The following MYO18B variants were observed in gnomAD, a reference collection of about 807,000 sequenced individuals.
MYO18B encodes unconventional myosin-XVIIIb.
Under a neutral mutation model 273.0 loss-of-function variants are expected in MYO18B, and 204 were observed. The observed-to-expected ratio is 0.75, with a 90% CI of 0.67 to 0.84. MYO18B has a LOEUF of 0.84. Ranked by LOEUF, MYO18B falls within the 40% of genes least tolerant of loss-of-function variation. The pLI, the probability that MYO18B is intolerant of heterozygous loss-of-function variation, is 0.00. For missense variants in MYO18B, 3,212 were observed against 3,287.6 expected, an observed-to-expected ratio of 0.98 and a Z score of 0.56; for synonymous variants, 1,330 against 1,305.7, an observed-to-expected ratio of 1.02 and a Z score of -0.40.
chr22:25,782,977 C>T (rs542422421), intron 10 of MYO18B, among the ~76,000 whole-genome samples: 6 of 152,324 alleles, frequency 3.9e-5, no homozygotes, highest in African/African-American at 1.4e-4. Context: ...GGCTGTGTGA[C>T]CTTGAGCTAA....
intron 12 of MYO18B, among the ~76,000 whole-genome samples, chr22:25,815,283 A>G (rs969425680): frequency 6.6e-6 from 1 of 152,198 alleles, no homozygotes; most frequent in African/African-American, 2.4e-5. Flanking sequence ...CCTGGACTCT[A>G]CCTTGCTAGC....
chr22:25,772,427 A>G lies in MYO18B; in HGVS notation c.1786A>G (p.Lys596Glu), dbSNP rs2086755856. ...SVLNTLLQRY[K>E]AQLLHTCTGP... The stretch of plus-strand genomic sequence containing the variant: ...CCTGAACACGCTTCTGCAGCGCTAC[A>G]AAGCTCAGCTGCTGCACACCTGCAC... The change falls in exon 7 of 44, where the codon AAA becomes GAA. Residue 596 changes from lysine to glutamate, a missense_variant. Coordinates refer to ENST00000335473, the MANE Select transcript of MYO18B (RefSeq NM_032608.7). 1 of 1,613,900 alleles carries G rather than the reference A, an allele frequency of 6.2e-7. No individual in the cohort carries two copies. Among genetic ancestry groups the G allele is most frequent in the Non-Finnish European group, 8.5e-7 (1 of 1,179,904 alleles).
At chr22:25,759,984 A>G (rs1421978640) in intron 1 of MYO18B, among the ~76,000 whole-genome samples, 1 of 152,182 alleles carries the variant, frequency 6.6e-6, no homozygotes, top group Non-Finnish European at 1.5e-5. Flanking sequence ...AAGGCTCTCA[A>G]TATGATGACA....
At chr22:25,804,316 C>A (rs1353737242) in intron 12 of MYO18B, among the ~76,000 whole-genome samples, 1 of 152,200 alleles carries the variant, frequency 6.6e-6, no homozygotes, top group African/African-American at 2.4e-5. Context: ...AAGGCAGCCA[C>A]AAAGATCTCC....
intron 1 of MYO18B, among the ~76,000 whole-genome samples, chr22:25,744,369 AAAC>A (rs1271328106): frequency 6.6e-6 from 1 of 152,196 alleles, no homozygotes; most frequent in Non-Finnish European, 1.5e-5. Flanking sequence ...TGCTAGATAC[AAAC>A]AACTGTCTGA....
chr22:25,925,049 G>A (rs1336055934), intron 34 of MYO18B, among the ~76,000 whole-genome samples: 1 of 152,198 alleles, frequency 6.6e-6, no homozygotes, highest in Non-Finnish European at 1.5e-5. Context: ...AGGGCACACA[G>A]CAATACATGT....
chr22:25,777,879 T>A (rs1274880320), intron 8 of MYO18B, 98 bp downstream of exon 8: 33 of 1,226,012 alleles, frequency 2.7e-5, no homozygotes, highest in Non-Finnish European at 3.5e-5. Flanking sequence ...CAGCTAGCAT[T>A]CACTGAGCAC....
chr22:25,958,248 A>T (rs1256316922), intron 39 of MYO18B, among the ~76,000 whole-genome samples: 1 of 152,058 alleles, frequency 6.6e-6, no homozygotes, highest in Non-Finnish European at 1.5e-5. Flanking sequence ...GATCACATTC[A>T]CAAGTCCCAG....
In MYO18B at chr22:26,026,737, G is replaced by T; in HGVS notation, c.6763G>T (p.Glu2255Ter). 6.2e-7 allele frequency: 1 copy of T among 1,613,338 alleles called. No individual in the cohort carries two copies. Among genetic ancestry groups the T allele is most frequent in the South Asian group, 1.1e-5 (1 of 90,950 alleles). ...SPSAALSEFV[E>*]GLRRKRAQRG... ...TTCAGCGGCCCTCTCGGAGTTCGTGGAAGGGCTCCGGAGGAAGAGAGCCCA... is the reference window on the plus strand; with the variant it reads ...TTCAGCGGCCCTCTCGGAGTTCGTGTAAGGGCTCCGGAGGAAGAGAGCCCA... The change falls in exon 43 of 44, where the codon GAA becomes TAA. Residue 2255 changes from glutamate to a stop codon, truncating the protein, a stop_gained. Coordinates refer to ENST00000335473, the MANE Select transcript of MYO18B (RefSeq NM_032608.7). LOFTEE classifies it high-confidence loss of function.
chr22:25,946,674 T>A (rs908543741), intron 35 of MYO18B, among the ~76,000 whole-genome samples: 12 of 152,192 alleles, frequency 7.9e-5, no homozygotes, highest in Non-Finnish European at 1.3e-4. Context: ...CAACTGTATG[T>A]TGTGTGCCCA....
At chr22:25,934,649 C>T (rs1459684663) in intron 34 of MYO18B, among the ~76,000 whole-genome samples, 1 of 152,108 alleles carries the variant, frequency 6.6e-6, no homozygotes, top group African/African-American at 2.4e-5. Context: ...TGGTTTTGTC[C>T]AGAAAGGCAG....
At chr22:25,926,801 C>T (rs1273707425) in intron 34 of MYO18B, among the ~76,000 whole-genome samples, 7 of 152,180 alleles carry the variant, frequency 4.6e-5, no homozygotes, top group Non-Finnish European at 1.5e-5. Context: ...GAGTGATAAA[C>T]TCTTTTGTTG....
intron 34 of MYO18B, among the ~76,000 whole-genome samples, chr22:25,942,864 A>ATC (rs2092660584): frequency 6.6e-6 from 1 of 152,030 alleles, no homozygotes; most frequent in Non-Finnish European, 1.5e-5. Flanking sequence ...GTCTGTGTTC[A>ATC]TCTCTCTCTG....
rs146967276 is a variant in MYO18B, at chr22:25,800,184, G to A, written c.2521+2087G>A. Among the ~76,000 whole-genome samples, 421 of 152,268 alleles carry A rather than the reference G, an allele frequency of 2.8e-3. 1 individual carries two copies. Among genetic ancestry groups the A allele is most frequent in the Middle Eastern group, 6.8e-3 (2 of 294 alleles). ...TATAATAGACTTTGGGGACTCAGGA[G>A]GGGGAGGTTAAGAGGGGGTGAAGGA... On this transcript the variant is annotated intron_variant, in intron 12 of 43. Coordinates refer to ENST00000335473, the MANE Select transcript of MYO18B (RefSeq NM_032608.7).
intron 1 of MYO18B, among the ~76,000 whole-genome samples, chr22:25,746,536 C>T (rs1483570410): frequency 6.6e-6 from 1 of 152,168 alleles, no homozygotes; most frequent in Non-Finnish European, 1.5e-5. Context: ...GGTAGCACCT[C>T]CTCTCCAGTT....
intron 1 of MYO18B, 102 bp from the exon 2 acceptor site, chr22:25,760,882 C>G (rs994390432): frequency 3.3e-6 from 2 of 611,144 alleles, no homozygotes; most frequent in South Asian, 3.8e-5. Context: ...CCCATTCCCC[C>G]ATGTGGTCTT....
rs2092094084 is a variant in MYO18B at position 25,908,517 on chromosome 22, C to T, written c.5259+85C>T. ...CTCTTCCTTAGAGCGAGGAGTAGGACAGGGTCTGGGATCTGGGGACAAGCT... is the reference window on the plus strand; with the variant it reads ...CTCTTCCTTAGAGCGAGGAGTAGGATAGGGTCTGGGATCTGGGGACAAGCT... On this transcript the variant is annotated intron_variant, in intron 32 of 43. Coordinates refer to ENST00000335473, the MANE Select transcript of MYO18B (RefSeq NM_032608.7). 3 of 1,164,952 alleles carry T rather than the reference C, an allele frequency of 2.6e-6. No homozygotes were observed. The Admixed American group carries it at 6.1e-5, about 24-fold the overall frequency. 72.2% of individuals were successfully genotyped at this position (1,164,952 alleles called of 1,614,324 possible).
Position 25,902,738 on chromosome 22 carries a change from T to C in MYO18B, c.4947+2T>C. ...GGCCAGCTTCAGCAGCAGCTGAAGG[T>C]AAGGGATGGGGGACACAGAGCTATC... is the stretch of plus-strand genomic sequence containing the variant. On this transcript the variant is annotated splice_donor_variant, in intron 30 of 43. Transcript: ENST00000335473. LOFTEE classifies it high-confidence loss of function. The C allele has an allele frequency of 6.3e-7, 1 of 1,577,500 alleles. No individual in the cohort carries two copies. Among genetic ancestry groups the C allele is most frequent in the Non-Finnish European group, 8.6e-7 (1 of 1,160,928 alleles).
intron 43 of MYO18B, among the ~76,000 whole-genome samples, chr22:26,030,230 A>G (rs550540419): frequency 2.6e-5 from 4 of 152,190 alleles, no homozygotes; most frequent in Non-Finnish European, 5.9e-5. Context: ...ATAAAAAATT[A>G]GCTGGGTGTA....
Sources: gnomAD v4.1 joint callset for allele counts (sites outside exome capture counted in the v4.1 genomes callset) on GRCh38, gnomAD v4.1.1 for gene constraint, MANE v1.5 for transcripts, NCBI Gene and HGNC (gene_info 2026-07-23, HGNC 2026-07-21) for gene names.